The following PDZD2 variants were observed in gnomAD, a reference collection of about 807,000 sequenced individuals.
The protein encoded by PDZD2 is PDZ domain-containing protein 2.
In PDZD2, 90 loss-of-function variants were observed where a neutral mutation model predicts 220.7. The observed-to-expected ratio is 0.41, with a 90% CI of 0.34 to 0.49. The LOEUF is 0.49. PDZD2 is among the 20% of genes least tolerant of loss of function. The pLI is 0.28. For synonymous variants in PDZD2, 1,375 were observed against 1,450.5 expected (o/e 0.95, Z 1.18); for missense variants, 3,174 against 3,608.5 (o/e 0.88, Z 3.08).
rs915927177 is a variant in PDZD2, at chr5:32,108,978, C to CCTGT, written c.*846_*849dup. ...AAGCACCTTACAACTAGTTTTTGAA[C>CCTGT]CTGTCTTGATAAGTGCTTGAATTCA... On this transcript the variant is annotated 3_prime_UTR_variant, in exon 25 of 25. Transcript: ENST00000438447. 107 of 152,768 alleles carry CCTGT rather than the reference C, an allele frequency of 7.0e-4. No homozygotes were observed. Among genetic ancestry groups the CCTGT allele is most frequent in the African/African-American group, 2.4e-3 (98 of 41,572 alleles). 9.5% of individuals were successfully genotyped at this position (152,768 alleles called of 1,614,324 possible).
At chr5:32,006,851 G>A (rs1432319397) in intron 5 of PDZD2, among the ~76,000 whole-genome samples, 1 of 150,036 alleles carries the variant, frequency 6.7e-6, no homozygotes, top group Non-Finnish European at 1.5e-5. Flanking sequence ...CACCGCATCT[G>A]GCTAATGTTT....
At chr5:31,917,292 A>G (rs185102550) in intron 2 of PDZD2, among the ~76,000 whole-genome samples, 14 of 152,320 alleles carry the variant, frequency 9.2e-5, no homozygotes, top group African/African-American at 3.1e-4. Context: ...TCACGTCTAT[A>G]ATCCCAGCAC....
intron 2 of PDZD2, among the ~76,000 whole-genome samples, chr5:31,888,195 TTTCCTTCC>T (rs1209746281): frequency 1.3e-5 from 2 of 152,072 alleles, no homozygotes; most frequent in Non-Finnish European, 2.9e-5. Flanking sequence ...CTCTTTTCTC[TTTCCTTCC>T]TTCCTTCCCT....
At chr5:32,077,287 A>G (rs1416953677) in intron 18 of PDZD2, among the ~76,000 whole-genome samples, 175 bp from the exon 19 acceptor site, 1 of 152,186 alleles carries the variant, frequency 6.6e-6, no homozygotes, top group Non-Finnish European at 1.5e-5. Flanking sequence ...GGGAAGAATG[A>G]TATGACCATT....
intron 1 of PDZD2, among the ~76,000 whole-genome samples, chr5:31,661,118 G>A (rs775176393): frequency 6.6e-6 from 1 of 152,180 alleles, no homozygotes; most frequent in Non-Finnish European, 1.5e-5. Context: ...AGAAACAAAT[G>A]AGAAAGGGTT....
At chr5:31,924,490 C>T (rs931731479) in intron 2 of PDZD2, among the ~76,000 whole-genome samples, 4 of 152,236 alleles carry the variant, frequency 2.6e-5, no homozygotes, top group Non-Finnish European at 4.4e-5. Flanking sequence ...CTGATTCCCC[C>T]AGCCCATGGT....
At chr5:31,768,403 G>A (rs1370319273) in intron 1 of PDZD2, among the ~76,000 whole-genome samples, 2 of 152,104 alleles carry the variant, frequency 1.3e-5, no homozygotes, top group Non-Finnish European at 2.9e-5. Flanking sequence ...AGCACTTTGG[G>A]AGCCTGAGGT....
intron 2 of PDZD2, among the ~76,000 whole-genome samples, chr5:31,919,253 T>G (rs1430356522): frequency 6.6e-6 from 1 of 152,222 alleles, no homozygotes; most frequent in Admixed American, 6.5e-5. Context: ...CATTTTCATA[T>G]GAGGAAACTG....
At chr5:31,791,713 T>C (rs1225264618) in intron 1 of PDZD2, among the ~76,000 whole-genome samples, 3 of 151,998 alleles carry the variant, frequency 2.0e-5, no homozygotes, top group Non-Finnish European at 4.4e-5. Flanking sequence ...TTTGCAACAT[T>C]CAGCAGTAGG....
chr5:31,854,737 C>T (rs1033807112), intron 2 of PDZD2, among the ~76,000 whole-genome samples: 1 of 152,160 alleles, frequency 6.6e-6, no homozygotes, highest in Non-Finnish European at 1.5e-5. Context: ...GGATGAGAAG[C>T]CCCAAACTCC....
intron 2 of PDZD2, chr5:31,832,326 C>T (rs1580847565): frequency 6.6e-6 from 1 of 152,088 alleles, no homozygotes; most frequent in East Asian, 1.9e-4. Context: ...ATGAAAAAGC[C>T]CTGGAGACGG....
At chr5:31,846,739 A>T (rs1561504074) in intron 2 of PDZD2, among the ~76,000 whole-genome samples, 1 of 152,184 alleles carries the variant, frequency 6.6e-6, no homozygotes, top group African/African-American at 2.4e-5. Context: ...GCTTGGTGCC[A>T]CTGCTGGGCC....
intron 19 of PDZD2, among the ~76,000 whole-genome samples, chr5:32,084,471 T>C (rs986243021): frequency 2.6e-5 from 4 of 152,246 alleles, no homozygotes; most frequent in African/African-American, 9.6e-5. Context: ...CTTAGCACAG[T>C]GTTAACTCCT....
intron 21 of PDZD2, among the ~76,000 whole-genome samples, chr5:32,096,479 G>A (rs1057166685): frequency 5.9e-5 from 9 of 152,172 alleles, no homozygotes; most frequent in South Asian, 4.2e-4. Flanking sequence ...CACCACGCCC[G>A]GCTAATTTTT....
intron 7 of PDZD2, among the ~76,000 whole-genome samples, chr5:32,041,908 CAAAAAAA>C (rs56157199): frequency 1.1e-5 from 1 of 90,942 alleles, no homozygotes; most frequent in Non-Finnish European, 2.1e-5. Context: ...AAAAAGAAAG[CAAAAAAA>C]AAAAAAAAAA....
chr5:31,698,555 T>C (rs969198972), intron 1 of PDZD2, among the ~76,000 whole-genome samples: 15 of 148,220 alleles, frequency 1.0e-4, no homozygotes, highest in African/African-American at 3.5e-4. Flanking sequence ...GCCGAGATTG[T>C]GCCACTGCAC....
chr5:31,888,411 C>G (rs2102141), intron 2 of PDZD2, among the ~76,000 whole-genome samples: 51,578 of 152,098 alleles, frequency 0.34, 9,064 homozygotes, highest in Admixed American at 0.4. Context: ...AGGCTGGTCT[C>G]AAACTCCTGA....
At chr5:32,041,307 G>C (rs575467419) in intron 7 of PDZD2, among the ~76,000 whole-genome samples, 1 of 152,012 alleles carries the variant, frequency 6.6e-6, no homozygotes, top group Non-Finnish European at 1.5e-5. Context: ...ATCTCTGCCC[G>C]GCTGCCCCAT....
Position 32,017,426 on chromosome 5 carries a change from C to A in PDZD2, c.1407+6944C>A, listed in dbSNP as rs139257052. On this transcript the variant is annotated intron_variant, in intron 6 of 24. Transcript: ENST00000438447. ...CTGCACTCCAGCCTGAGTGACAGAG[C>A]CAGACCCTGTCTCAAAAAAAAAAAA... Among the ~76,000 whole-genome samples, 96 of 149,468 alleles carry A rather than the reference C, an allele frequency of 6.4e-4. 1 individual carries two copies. The highest frequency in any genetic ancestry group is 2.2e-3 in the African/African-American group (88 of 40,344).
Sources: gnomAD v4.1 joint callset for allele counts (sites outside exome capture counted in the v4.1 genomes callset) on GRCh38, gnomAD v4.1.1 for gene constraint, MANE v1.5 for transcripts, NCBI Gene and HGNC (gene_info 2026-07-23, HGNC 2026-07-21) for gene names.